UBAP1L: variants seen among roughly 807,000 people sequenced by gnomAD.
UBAP1L encodes ubiquitin associated protein 1 like.
Under a neutral mutation model 32.1 loss-of-function variants are expected in UBAP1L, and 32 were observed. That is an observed-to-expected ratio of 1.00 (90% CI 0.75 to 1.34). The LOEUF is 1.34. Ranked by LOEUF, UBAP1L falls within the 40% of genes most tolerant of loss-of-function variation. The pLI is 0.00. For missense variants in UBAP1L, 516 were observed against 540.5 expected, an observed-to-expected ratio of 0.95 and a Z score of 0.45; for synonymous variants, 243 against 250.2, an observed-to-expected ratio of 0.97 and a Z score of 0.27.
intron 1 of UBAP1L, among the ~76,000 whole-genome samples, chr15:65,114,383 A>G (rs1235528712): frequency 1.3e-5 from 2 of 152,142 alleles, no homozygotes; most frequent in African/African-American, 4.8e-5. Context: ...AGCACTCAGC[A>G]TATTTTTTAT....
chr15:65,094,356 G>T lies in UBAP1L; in HGVS notation c.1011+119C>A. On this transcript the variant is annotated intron_variant, in intron 5 of 5. Coordinates refer to ENST00000559089, the MANE Select transcript of UBAP1L (RefSeq NM_001163692.2). This position sits in a 1 kb window ranked among gnomAD's most constrained non-coding sequence, Gnocchi z 4.2. ...TGAGGAGTCAGGCAATCTCCCGACAGACCCACAGGCTGGACCCACAGACTG... is the reference window on the plus strand; with the variant it reads ...TGAGGAGTCAGGCAATCTCCCGACATACCCACAGGCTGGACCCACAGACTG... 1.5e-6 allele frequency: 1 copy of T among 676,118 alleles called. No individual in the cohort carries two copies. Among genetic ancestry groups the T allele is most frequent in the Non-Finnish European group, 2.5e-6 (1 of 405,272 alleles). The allele number at this position is 676,118 out of a possible 1,614,324, so 41.9% of individuals were successfully genotyped here.
chr15:65,098,589 C>T (rs2087205106), intron 4 of UBAP1L: 1 of 151,926 alleles, frequency 6.6e-6, no homozygotes, highest in African/African-American at 2.4e-5. Context: ...CAGCCAAGGC[C>T]TCAAGAGGCC....
chr15:65,101,561 G>A (rs1411791998), intron 3 of UBAP1L: 1 of 152,328 alleles, frequency 6.6e-6, no homozygotes, highest in Non-Finnish European at 1.5e-5. Context: ...AACTCTTCAT[G>A]TCCTGTGGTT....
At position 65,105,466 on chromosome 15, in the gene UBAP1L, G is replaced by A. The variant is rs113385583; in HGVS notation, c.120+630C>T. 1.5e-3 allele frequency: 569 copies of A among 387,682 alleles called. 1 individual carries two copies. Among genetic ancestry groups the A allele is most frequent in the African/African-American group, 0.011 (518 of 48,066 alleles). 24.0% of individuals were successfully genotyped at this position (387,682 alleles called of 1,614,324 possible). On this transcript the variant is annotated intron_variant, in intron 2 of 5. Transcript: ENST00000559089. Reference sequence around the variant, plus strand: ...TGCACTCCATCTAGTCTGGGTGACAGAGCGAGACTCTGTCTGAAAAAAACA... The same window carrying A: ...TGCACTCCATCTAGTCTGGGTGACAAAGCGAGACTCTGTCTGAAAAAAACA...
At chr15:65,107,498 GAAGTCGA>G (rs762302979) in intron 1 of UBAP1L, among the ~76,000 whole-genome samples, 5 of 152,012 alleles carry the variant, frequency 3.3e-5, no homozygotes, top group Non-Finnish European at 7.4e-5. Flanking sequence ...AGCACTTGGG[GAAGTCGA>G]GGTGGGAGGA....
chr15:65,099,549 C>T lies in UBAP1L; in HGVS notation c.865G>A (p.Ala289Thr), dbSNP rs776155238. The change falls in exon 4 of 6, where the codon GCC (alanine) becomes ACC (threonine). Residue 289 changes from alanine to threonine, a missense_variant. Ala to Thr is a moderately conservative substitution (Grantham distance 58). Coordinates refer to ENST00000559089, the MANE Select transcript of UBAP1L (RefSeq NM_001163692.2). The part of the protein sequence containing the change: ...VVALGYPLRR[A>T]IIALQKTGRQ... ...CCTGTCTTCTGCAGAGCTATGATGG[C>T]CCTTCGCAGGGGATATCCCAGGGCG... 33 of 1,551,310 alleles carry T rather than the reference C, an allele frequency of 2.1e-5. No individual in the cohort carries two copies. The highest frequency in any genetic ancestry group is 2.7e-5 in the Non-Finnish European group (31 of 1,146,944).
chr15:65,096,979 G>A (rs72729037), intron 4 of UBAP1L: 1 of 152,238 alleles, frequency 6.6e-6, no homozygotes, highest in African/African-American at 2.4e-5. Context: ...GGCTTGTTCA[G>A]TTACCAGGAC....
At chr15:65,105,376 G>T (rs1445618007) in intron 2 of UBAP1L, among the ~76,000 whole-genome samples, 1 of 150,182 alleles carries the variant, frequency 6.7e-6, no homozygotes. Context: ...CTACTTGGGA[G>T]GCTGAGGTGG....
chr15:65,109,887 G>C (rs1343204012), intron 1 of UBAP1L, among the ~76,000 whole-genome samples: 1 of 152,172 alleles, frequency 6.6e-6, no homozygotes, highest in East Asian at 1.9e-4. Context: ...AAGTCACTTA[G>C]TCAACAGTAT....
intron 4 of UBAP1L, chr15:65,099,172 C>A: frequency 6.7e-6 from 2 of 297,398 alleles, no homozygotes; most frequent in South Asian, 4.5e-5. Context: ...CATCCACACA[C>A]CCTTTCACTG....
rs1461419912 is a variant in UBAP1L at position 65,092,996 on chromosome 15, T to C, written c.*101A>G. 3 of 1,412,950 alleles carry C rather than the reference T, an allele frequency of 2.1e-6. No individual in the cohort carries two copies. Among genetic ancestry groups the C allele is most frequent in the South Asian group, 2.8e-5 (2 of 71,986 alleles). 87.5% of individuals were successfully genotyped at this position (1,412,950 alleles called of 1,614,324 possible). ...TTTGTGTTTTTACAATAAGTATGCA[T>C]CACTTTGTTACTCTTACTTGGTTTT... On this transcript the variant is annotated 3_prime_UTR_variant, in exon 6 of 6. Transcript: ENST00000559089.
intron 1 of UBAP1L, among the ~76,000 whole-genome samples, chr15:65,111,237 T>C (rs886531477): frequency 6.6e-6 from 1 of 152,190 alleles, no homozygotes; most frequent in African/African-American, 2.4e-5. Flanking sequence ...TACAAGGGTG[T>C]TATAGGAGAC....
chr15:65,093,781 C>T (rs527815750), intron 5 of UBAP1L, among the ~76,000 whole-genome samples: 4 of 152,236 alleles, frequency 2.6e-5, no homozygotes, highest in South Asian at 2.1e-4. Flanking sequence ...CGGTGGCTCA[C>T]GCCTGTAATC....
In UBAP1L at chr15:65,102,818, C is replaced by T; in HGVS notation, c.121-134G>A. 2.5e-6 allele frequency: 2 copies of T among 800,432 alleles called. No homozygotes were observed. The highest frequency in any genetic ancestry group is 1.9e-5 in the South Asian group (1 of 52,442). 49.6% of individuals were successfully genotyped at this position (800,432 alleles called of 1,614,324 possible). A position where few individuals can be genotyped will look rare whatever the true frequency, so the allele number is the denominator to read the frequency against. On this transcript the variant is annotated intron_variant, in intron 2 of 5. Coordinates refer to ENST00000559089, the MANE Select transcript of UBAP1L (RefSeq NM_001163692.2). This position sits in a 1 kb window ranked among gnomAD's most constrained non-coding sequence, Gnocchi z 5.0. ...ACAGCGTCAGATTCTGAGCCCCGGG[C>T]TTCCATCACAGCCCACTCTACCCTG...
At chr15:65,114,176 GC>G (rs2087387907) in intron 1 of UBAP1L, among the ~76,000 whole-genome samples, 1 of 149,394 alleles carries the variant, frequency 6.7e-6, no homozygotes, top group Admixed American at 6.7e-5. Flanking sequence ...GAGCCACCGC[GC>G]CCAGCCTTTT....
chr15:65,109,173 G>C (rs1341088755), intron 1 of UBAP1L, among the ~76,000 whole-genome samples: 1 of 106,538 alleles, frequency 9.4e-6, no homozygotes, highest in African/African-American at 3.6e-5. Flanking sequence ...AAAAAAAAAA[G>C]AAAGAAAAAA....
chr15:65,106,844 T>G (rs1234007458), intron 1 of UBAP1L, among the ~76,000 whole-genome samples: 1 of 152,128 alleles, frequency 6.6e-6, no homozygotes, highest in East Asian at 1.9e-4. Context: ...TTTCACCACG[T>G]TGGCCAGGCT....
In UBAP1L at chr15:65,102,301, G is replaced by A; in HGVS notation, c.504C>T (p.Val168=). ...ARRRLSEGKL[V]SRPRALLHGL... ...CATGCAGGAGGGCGCGGGGCCGGGA[G>A]ACCAGCTTCCCCTCGGAGAGCCGCC... Residue 168 remains valine (V), a synonymous_variant, in exon 3 of 6, where the codon GTC becomes GTT. Coordinates refer to ENST00000559089, the MANE Select transcript of UBAP1L (RefSeq NM_001163692.2). The surrounding 1 kb of genome is among the most constrained non-coding windows in gnomAD (Gnocchi z 5.0). The A allele has an allele frequency of 7.0e-7, 1 of 1,420,224 alleles. No individual in the cohort carries two copies. Among genetic ancestry groups the A allele is most frequent in the Non-Finnish European group, 9.1e-7 (1 of 1,094,808 alleles). 88.0% of individuals were successfully genotyped at this position (1,420,224 alleles called of 1,614,324 possible).
At chr15:65,114,087 T>C (rs2087386825) in intron 1 of UBAP1L, among the ~76,000 whole-genome samples, 1 of 151,924 alleles carries the variant, frequency 6.6e-6, no homozygotes. Context: ...GGTTTCACCA[T>C]CTTGGCCAGG....
Sources: gnomAD v4.1 joint callset for allele counts (sites outside exome capture counted in the v4.1 genomes callset) on GRCh38, gnomAD v4.1.1 for gene constraint, Gnocchi (gnomAD v3.1) non-coding constraint, MANE v1.5 for transcripts, NCBI Gene and HGNC (gene_info 2026-07-23, HGNC 2026-07-21) for gene names.